The following CDH12 variants were observed in gnomAD, a reference collection of about 807,000 sequenced individuals.
CDH12 encodes cadherin-12.
A neutral mutation model predicts 74.1 loss-of-function variants in CDH12; 41 were observed. The ratio of observed to expected loss-of-function variants is 0.55; its 90% CI spans 0.43 to 0.72. CDH12 has a LOEUF of 0.72. Among genes scored for constraint, CDH12 ranks in the 30% least tolerant of loss-of-function variants. CDH12 has a pLI of 0.00. For synonymous variants in CDH12, 399 were observed against 355.0 expected, an observed-to-expected ratio of 1.12 and a Z score of -1.39; for missense variants, 945 against 977.2, an observed-to-expected ratio of 0.97 and a Z score of 0.44.
At position 22,806,439 on chromosome 5, in the gene CDH12, G is replaced by A. The variant is rs553557428; in HGVS notation, c.-523+46619C>T. On this transcript the variant is annotated intron_variant, in intron 1 of 14. Coordinates refer to ENST00000382254, the MANE Select transcript of CDH12 (RefSeq NM_004061.5). ...GCAATCTCGGCTCACTGCAAGCTCCGCCTCCCGGGTTCACGCCATTCTCCT... is the reference window on the plus strand; with the variant it reads ...GCAATCTCGGCTCACTGCAAGCTCCACCTCCCGGGTTCACGCCATTCTCCT... Among the ~76,000 whole-genome samples the A allele has an allele frequency of 1.2e-4, 17 of 146,646 alleles. 1 individual carries two copies. The South Asian group carries it at 3.3e-3, about 28-fold the overall frequency.
At chr5:22,379,595 C>T (rs1741673857) in intron 3 of CDH12, among the ~76,000 whole-genome samples, 1 of 152,142 alleles carries the variant, frequency 6.6e-6, no homozygotes, top group South Asian at 2.1e-4. Flanking sequence ...TTTGATTTAT[C>T]TCCTGTGCAA....
intron 3 of CDH12, among the ~76,000 whole-genome samples, chr5:22,400,582 C>A (rs1020145134): frequency 6.6e-5 from 10 of 151,932 alleles, no homozygotes; most frequent in African/African-American, 2.4e-4. Flanking sequence ...AGATGTGAAC[C>A]ACCATGCCTG....
At chr5:22,603,555 T>C (rs1293330657) in intron 1 of CDH12, among the ~76,000 whole-genome samples, 1 of 152,082 alleles carries the variant, frequency 6.6e-6, no homozygotes, top group Admixed American at 6.5e-5. Flanking sequence ...GACGTGGCAG[T>C]AATGAAAACT....
At chr5:22,052,548 T>C (rs1194547571) in intron 5 of CDH12, among the ~76,000 whole-genome samples, 8 of 152,160 alleles carry the variant, frequency 5.3e-5, no homozygotes, top group Non-Finnish European at 1.5e-5. Context: ...CTTATACTAG[T>C]CTATTTCACT....
chr5:22,190,165 C>T (rs1404788530), intron 4 of CDH12, among the ~76,000 whole-genome samples: 1 of 152,182 alleles, frequency 6.6e-6, no homozygotes, highest in Non-Finnish European at 1.5e-5. Flanking sequence ...CTGGCTTATA[C>T]CTAATTCAAA....
At chr5:21,837,468 GTTT>G (rs11321099) in intron 8 of CDH12, among the ~76,000 whole-genome samples, 3,053 of 139,080 alleles carry the variant, frequency 0.022, 97 homozygotes, top group African/African-American at 0.078. Context: ...CTGGAGAAAG[GTTT>G]TTTTTTTTTT....
intron 1 of CDH12, among the ~76,000 whole-genome samples, chr5:22,607,855 G>A (rs186345384): frequency 6.6e-6 from 1 of 152,242 alleles, no homozygotes; most frequent in South Asian, 2.1e-4. Flanking sequence ...TCCATGTGGT[G>A]TTGAGCCTAA....
intron 1 of CDH12, among the ~76,000 whole-genome samples, chr5:22,791,514 G>A (rs976420325): frequency 1.3e-5 from 2 of 152,162 alleles, no homozygotes; most frequent in Non-Finnish European, 2.9e-5. Context: ...ACATTGTTCA[G>A]GCTGATGAGA....
intron 9 of CDH12, among the ~76,000 whole-genome samples, chr5:21,815,190 TG>T (rs1185309430): frequency 6.6e-6 from 1 of 152,122 alleles, no homozygotes; most frequent in Non-Finnish European, 1.5e-5. Flanking sequence ...TGAGCAAATA[TG>T]GGAGGGGCAG....
chr5:22,006,279 A>G (rs1230245329), intron 5 of CDH12, among the ~76,000 whole-genome samples: 3 of 151,962 alleles, frequency 2.0e-5, no homozygotes, highest in South Asian at 2.1e-4. Flanking sequence ...TTGGCCTCTC[A>G]AAGTGCTGGG....
At chr5:22,814,251 C>T (rs1221823750) in intron 1 of CDH12, among the ~76,000 whole-genome samples, 2 of 152,004 alleles carry the variant, frequency 1.3e-5, no homozygotes, top group African/African-American at 4.8e-5. Flanking sequence ...CCCCATCAGT[C>T]AACTTGAAAT....
intron 4 of CDH12, among the ~76,000 whole-genome samples, chr5:22,169,190 C>T (rs1406136267): frequency 6.7e-6 from 1 of 148,958 alleles, no homozygotes. Context: ...TTTGGTTTGT[C>T]TTTCTGTCTT....
At chr5:22,182,122 A>T (rs1286547813) in intron 4 of CDH12, among the ~76,000 whole-genome samples, 1 of 152,110 alleles carries the variant, frequency 6.6e-6, no homozygotes, top group Non-Finnish European at 1.5e-5. Flanking sequence ...CGACCTGAAC[A>T]ATTAGTCACA....
intron 4 of CDH12, among the ~76,000 whole-genome samples, chr5:22,091,726 G>T (rs1743444533): frequency 6.6e-6 from 1 of 151,862 alleles, no homozygotes; most frequent in East Asian, 2.0e-4. Context: ...GAAATGAAAG[G>T]GACCCAGCAG....
chr5:22,571,573 C>T (rs1355973050), intron 1 of CDH12, among the ~76,000 whole-genome samples: 3 of 152,144 alleles, frequency 2.0e-5, no homozygotes, highest in Non-Finnish European at 4.4e-5. Context: ...GTGTTCCACC[C>T]GCCTTGGCCT....
intron 7 of CDH12, among the ~76,000 whole-genome samples, chr5:21,846,590 G>A (rs1750183646): frequency 6.6e-6 from 1 of 151,680 alleles, no homozygotes; most frequent in African/African-American, 2.4e-5. Context: ...TCTACTCTCT[G>A]TGAATCTTAA....
intron 2 of CDH12, among the ~76,000 whole-genome samples, chr5:22,432,442 G>T (rs1422900457): frequency 6.6e-6 from 1 of 152,014 alleles, no homozygotes; most frequent in African/African-American, 2.4e-5. Context: ...ATTTATGTTG[G>T]TATTTGTTTA....
chr5:22,392,914 A>G (rs1742303589), intron 3 of CDH12, among the ~76,000 whole-genome samples: 1 of 152,136 alleles, frequency 6.6e-6, no homozygotes, highest in African/African-American at 2.4e-5. Flanking sequence ...CCTAGTCATT[A>G]GGAAGAGATT....
chr5:21,827,994 T>C (rs144472517), intron 8 of CDH12, among the ~76,000 whole-genome samples: 1 of 152,276 alleles, frequency 6.6e-6, no homozygotes, highest in Non-Finnish European at 1.5e-5. Flanking sequence ...TAACAATATA[T>C]GGTAAATGGA....
Sources: gnomAD v4.1 joint callset for allele counts (sites outside exome capture counted in the v4.1 genomes callset) on GRCh38, gnomAD v4.1.1 for gene constraint, MANE v1.5 for transcripts, NCBI Gene and HGNC (gene_info 2026-07-23, HGNC 2026-07-21) for gene names.